The following RAB3C variants were observed in gnomAD, a reference collection of about 807,000 sequenced individuals.
RAB3C encodes ras-related protein Rab-3C.
RAB3C carries 17 observed loss-of-function variants against 26.4 expected under a neutral mutation model. The observed-to-expected ratio is 0.64, with a 90% CI of 0.44 to 0.97. The LOEUF (loss-of-function observed/expected upper bound fraction) is 0.97. Among genes scored for constraint, RAB3C ranks in the 50% least tolerant of loss-of-function variants. RAB3C has a pLI of 0.00. For synonymous variants in RAB3C, 91 were observed against 95.9 expected (o/e 0.95, Z 0.30); for missense variants, 242 against 281.9 (o/e 0.86, Z 1.01).
At chr5:58,688,151 A>G (rs563126255) in intron 2 of RAB3C, among the ~76,000 whole-genome samples, 2 of 152,204 alleles carry the variant, frequency 1.3e-5, no homozygotes, top group South Asian at 2.1e-4. Context: ...TCTCCAGAGC[A>G]CCCATAAAGA....
intron 3 of RAB3C, chr5:58,788,240 T>A (rs964497973): frequency 3.3e-5 from 5 of 152,194 alleles, no homozygotes; most frequent in African/African-American, 1.2e-4. Context: ...ATATAAGGAG[T>A]TCACCGTATC....
chr5:58,659,436 C>A (rs1747850956), intron 2 of RAB3C, among the ~76,000 whole-genome samples: 1 of 152,166 alleles, frequency 6.6e-6, no homozygotes, highest in Non-Finnish European at 1.5e-5. Flanking sequence ...ATCATGTAAT[C>A]TTTTTCTCCC....
In RAB3C at chr5:58,747,951, T is replaced by A. The variant is rs377215189; in HGVS notation, c.371+21831T>A. ...AGGCATTTAAATAGTACATTTAGAG[T>A]CGTCTTTGGGGAAAAGAAAAAAGAG... On this transcript the variant is annotated intron_variant, in intron 3 of 4. Transcript: ENST00000282878. Among the ~76,000 whole-genome samples the A allele has an allele frequency of 2.4e-4, 36 of 152,072 alleles. No individual in the cohort carries two copies. The East Asian group carries it at 5.4e-3, about 23-fold the overall frequency.
chr5:58,776,146 G>T (rs995008721), intron 3 of RAB3C, among the ~76,000 whole-genome samples: 1 of 151,908 alleles, frequency 6.6e-6, no homozygotes, highest in Non-Finnish European at 1.5e-5. Flanking sequence ...TAGTTTCCTG[G>T]AGCAGATAGG....
At chr5:58,794,919 C>T (rs919995292) in intron 3 of RAB3C, among the ~76,000 whole-genome samples, 1 of 152,238 alleles carries the variant, frequency 6.6e-6, no homozygotes, top group African/African-American at 2.4e-5. Context: ...TGCTAACAAG[C>T]ACCAGGTGAA....
At chr5:58,820,378 C>G (rs1183876900) in intron 3 of RAB3C, among the ~76,000 whole-genome samples, 3 of 152,144 alleles carry the variant, frequency 2.0e-5, no homozygotes, top group African/African-American at 7.2e-5. Context: ...TCACAAATCA[C>G]CCAACATGGC....
chr5:58,757,022 G>GTCT (rs1177579650), intron 3 of RAB3C, among the ~76,000 whole-genome samples: 1 of 152,236 alleles, frequency 6.6e-6, no homozygotes, highest in Non-Finnish European at 1.5e-5. Context: ...TCACCACACT[G>GTCT]TCTTCAGCAA....
chr5:58,707,095 GC>G (rs1391775313), intron 2 of RAB3C, among the ~76,000 whole-genome samples: 2 of 152,116 alleles, frequency 1.3e-5, no homozygotes, highest in African/African-American at 4.8e-5. Context: ...AAATTGGAAG[GC>G]CATAGCAGTA....
chr5:58,594,075 C>G (rs1284170041), intron 1 of RAB3C, among the ~76,000 whole-genome samples: 7 of 152,316 alleles, frequency 4.6e-5, no homozygotes, highest in Non-Finnish European at 4.4e-5. Context: ...CCTCTCATCA[C>G]TTGTCTGCTG....
intron 2 of RAB3C, among the ~76,000 whole-genome samples, chr5:58,647,933 A>G (rs1019600976): frequency 6.6e-6 from 1 of 152,216 alleles, no homozygotes; most frequent in Non-Finnish European, 1.5e-5. Flanking sequence ...TGTGGTTATC[A>G]TGTTTTGAAG....
chr5:58,723,959 C>T lies in RAB3C; in HGVS notation c.253-2043C>T, dbSNP rs183697339. Among the ~76,000 whole-genome samples the T allele has an allele frequency of 2.0e-5, 3 of 151,888 alleles. No individual in the cohort carries two copies. The East Asian group carries it at 5.8e-4, about 30-fold the overall frequency. On this transcript the variant is annotated intron_variant, in intron 2 of 4. Transcript: ENST00000282878. ...AAGAGCATTTGAATTATAAGTGATG[C>T]CCCAGGTCCTGAGGAGGGAGTTTGA...
intron 1 of RAB3C, among the ~76,000 whole-genome samples, chr5:58,598,950 C>T (rs1263655552): frequency 6.6e-6 from 1 of 152,154 alleles, no homozygotes; most frequent in Non-Finnish European, 1.5e-5. Context: ...ATGGAAGCCT[C>T]ACTTGAGCGT....
intron 1 of RAB3C, among the ~76,000 whole-genome samples, chr5:58,610,894 C>G (rs1003644849): frequency 1.3e-5 from 2 of 152,038 alleles, no homozygotes; most frequent in African/African-American, 4.8e-5. Flanking sequence ...TCCTAATCCT[C>G]TCCCTCCTCC....
At chr5:58,819,130 T>C (rs993499423) in intron 3 of RAB3C, among the ~76,000 whole-genome samples, 4 of 152,344 alleles carry the variant, frequency 2.6e-5, no homozygotes, top group East Asian at 3.9e-4. Flanking sequence ...ATGTGTTCTA[T>C]GTGTAACGAG....
In RAB3C at chr5:58,616,615, G is replaced by A. The variant is rs1746830245; in HGVS notation, c.25-1028G>A. On this transcript the variant is annotated intron_variant, in intron 1 of 4. Coordinates refer to ENST00000282878, the MANE Select transcript of RAB3C (RefSeq NM_138453.4). The stretch of plus-strand genomic sequence containing the variant: ...AGAGACCATTTTCTATTTTATGCTA[G>A]ATGCTTTACATATCGCTTTACAGCT... Among the ~76,000 whole-genome samples, 3 of 152,162 alleles carry A rather than the reference G, an allele frequency of 2.0e-5. No homozygotes were observed. The South Asian group carries it at 6.2e-4, about 31-fold the overall frequency.
At chr5:58,638,021 C>T (rs2111762111) in intron 2 of RAB3C, among the ~76,000 whole-genome samples, 1 of 151,970 alleles carries the variant, frequency 6.6e-6, no homozygotes, top group South Asian at 2.1e-4. Context: ...TTATTTTTGT[C>T]ATTATAAATA....
intron 4 of RAB3C, among the ~76,000 whole-genome samples, chr5:58,842,739 T>C (rs950192505): frequency 2.0e-5 from 3 of 152,236 alleles, no homozygotes; most frequent in African/African-American, 7.2e-5. Context: ...ATGATTTAAT[T>C]ACGACTTTCA....
chr5:58,718,288 T>C lies in RAB3C; in HGVS notation c.253-7714T>C, dbSNP rs116817803. 3.0e-3 allele frequency among the ~76,000 whole-genome samples: 457 copies of C among 152,238 alleles called. 2 individuals are homozygous for C. Among genetic ancestry groups the C allele is most frequent in the African/African-American group, 9.0e-3 (374 of 41,572 alleles). On this transcript the variant is annotated intron_variant, in intron 2 of 4. Coordinates refer to ENST00000282878, the MANE Select transcript of RAB3C (RefSeq NM_138453.4). ...TAAGTAAAGATGCCTCTATATACTT[T>C]CGGCTGTAAATTTTATTAAGGTCTT... is the stretch of plus-strand genomic sequence containing the variant.
intron 4 of RAB3C, among the ~76,000 whole-genome samples, chr5:58,842,920 A>G (rs1743905803): frequency 6.6e-6 from 1 of 152,230 alleles, no homozygotes; most frequent in Non-Finnish European, 1.5e-5. Context: ...AATCCCAAGA[A>G]CTTGTAAATG....
Sources: gnomAD v4.1 joint callset for allele counts (sites outside exome capture counted in the v4.1 genomes callset) on GRCh38, gnomAD v4.1.1 for gene constraint, MANE v1.5 for transcripts, NCBI Gene and HGNC (gene_info 2026-07-23, HGNC 2026-07-21) for gene names.